CPLANE1: variants seen among roughly 807,000 people sequenced by gnomAD.
CPLANE1 encodes the protein ciliogenesis and planar polarity effector complex subunit 1.
In CPLANE1, 263 loss-of-function variants were observed where a neutral mutation model predicts 362.5. That is an observed-to-expected ratio of 0.73 (90% CI 0.66 to 0.80). CPLANE1 has a LOEUF of 0.80. Ranked by LOEUF, CPLANE1 falls within the 30% of genes least tolerant of loss-of-function variation. The pLI is 0.00. For missense variants in CPLANE1, 3,461 were observed against 3,793.4 expected, an observed-to-expected ratio of 0.91 and a Z score of 2.30; for synonymous variants, 1,212 against 1,302.6, an observed-to-expected ratio of 0.93 and a Z score of 1.50.
intron 18 of CPLANE1, among the ~76,000 whole-genome samples, chr5:37,202,306 C>A (rs1315739148): frequency 2.0e-5 from 3 of 151,920 alleles, no homozygotes; most frequent in African/African-American, 7.3e-5. Context: ...GGATTACAGG[C>A]ACACACTATC....
At chr5:37,157,114 G>A (rs1775333966) in intron 41 of CPLANE1, among the ~76,000 whole-genome samples, 199 bp downstream of exon 41, 1 of 152,176 alleles carries the variant, frequency 6.6e-6, no homozygotes, top group Non-Finnish European at 1.5e-5. Context: ...TGCATAAACA[G>A]ATCTGTGACT....
intron 29 of CPLANE1, 131 bp from the exon 30 acceptor site, chr5:37,177,831 C>A: frequency 1.4e-6 from 1 of 698,516 alleles, no homozygotes; most frequent in Non-Finnish European, 2.5e-6. Context: ...AGAAATCAAA[C>A]AGTAAAATGT....
intron 7 of CPLANE1, 69 bp downstream of exon 7, chr5:37,239,644 A>C: frequency 8.4e-7 from 1 of 1,192,460 alleles, no homozygotes; most frequent in South Asian, 2.8e-5. Context: ...ATTTAGAAAA[A>C]GAAAAATCTC....
At chr5:37,204,492 A>C (rs979604723) in intron 18 of CPLANE1, among the ~76,000 whole-genome samples, 1 of 152,192 alleles carries the variant, frequency 6.6e-6, no homozygotes, top group African/African-American at 2.4e-5. Context: ...ATTTTTTAAT[A>C]CCATTTTGAA....
Position 37,125,248 on chromosome 5 carries a change from T to C in CPLANE1, c.8954A>G (p.Asn2985Ser), listed in dbSNP as rs774388863. Residue 2985 changes from asparagine to serine, a missense_variant, in exon 47 of 53, where the codon AAT (asparagine) becomes AGT (serine). By Grantham distance (46) the Asn-to-Ser change is conservative (BLOSUM62 1). Transcript: ENST00000651892. ...QEHDPFCPRSNPLYMTSREIR... is the reference protein window; with the variant it reads ...QEHDPFCPRSSPLYMTSREIR... ...CCCTTGACATGGCAGACTTACTGGA[T>C]TGCTTCTGGGACAGAAAGGATCATG... 3 of 1,611,034 alleles carry C rather than the reference T, an allele frequency of 1.9e-6. No homozygotes were observed. The South Asian group carries it at 3.3e-5, about 18-fold the overall frequency.
intron 44 of CPLANE1, chr5:37,140,003 A>C (rs1361726906): frequency 1.0e-6 from 1 of 952,868 alleles, no homozygotes; most frequent in Admixed American, 6.2e-5. Context: ...GTGATCTGAA[A>C]GTAATATATT....
intron 50 of CPLANE1, among the ~76,000 whole-genome samples, chr5:37,116,017 T>G (rs1398992463): frequency 1.3e-5 from 2 of 152,038 alleles, no homozygotes; most frequent in Admixed American, 6.5e-5. Context: ...CCAGGCATGG[T>G]GGCTTACGCC....
In CPLANE1 at chr5:37,184,809, CT is replaced by C. The variant is rs1561531148; in HGVS notation, c.4459del (p.Ser1487ValfsTer3). Reference protein sequence around the residue: ...FSEALSVEEKSRINIYQRNAP... With the variant: ...FSEALSVEEKXRINIYQRNAP... Reference sequence around the variant, plus strand: ...GTACCTTTGATAGATATTTATCCTACTTTTTTCTTCAACCGACAAAGCTTCA... The same window carrying C: ...GTACCTTTGATAGATATTTATCCTACTTTTTCTTCAACCGACAAAGCTTCA... On this transcript the variant is annotated frameshift_variant, in exon 25 of 53. Coordinates refer to ENST00000651892, the MANE Select transcript of CPLANE1 (RefSeq NM_001384732.1). 1 of 1,611,892 alleles carries C rather than the reference CT, an allele frequency of 6.2e-7. No homozygotes were observed. Among genetic ancestry groups the C allele is most frequent in the South Asian group, 1.1e-5 (1 of 90,482 alleles).
chr5:37,170,779 T>C (rs568455139), intron 32 of CPLANE1, among the ~76,000 whole-genome samples: 1 of 152,070 alleles, frequency 6.6e-6, no homozygotes, highest in Admixed American at 6.6e-5. Context: ...CTACTAAAAA[T>C]ACAAAAATTA....
intron 18 of CPLANE1, chr5:37,205,098 A>G (rs773370881): frequency 1.1e-5 from 3 of 269,722 alleles, no homozygotes; most frequent in Non-Finnish European, 1.3e-5. Context: ...TAGAGTTTGC[A>G]GTGAGCTAAG....
At chr5:37,084,096 G>T in the CPLANE1 span, among the ~76,000 whole-genome samples, 1 of 152,238 alleles carries the variant, frequency 6.6e-6, no homozygotes, top group South Asian at 2.1e-4. Flanking sequence ...AAGAAATCCT[G>T]CAAGCTAGAA....
chr5:37,109,319 A>T (rs925586250), intron 51 of CPLANE1, among the ~76,000 whole-genome samples: 11 of 152,186 alleles, frequency 7.2e-5, no homozygotes, highest in Non-Finnish European at 1.3e-4. Flanking sequence ...AGCCCCCAAA[A>T]TAATCACAGC....
intron 31 of CPLANE1, 27 bp downstream of exon 31, chr5:37,175,882 A>G (rs777759619): frequency 1.3e-6 from 2 of 1,492,080 alleles, no homozygotes; most frequent in South Asian, 1.2e-5. Flanking sequence ...ACTATTTTTA[A>G]ATGGTATAGT....
intron 33 of CPLANE1, 68 bp from the exon 34 acceptor site, chr5:37,169,629 T>C (rs974428539): frequency 2.2e-6 from 3 of 1,382,140 alleles, no homozygotes; most frequent in Non-Finnish European, 2.9e-6. Flanking sequence ...GTAAATGGCA[T>C]TCAGTATGTT....
intron 38 of CPLANE1, among the ~76,000 whole-genome samples, chr5:37,158,746 T>C (rs1775922809): frequency 6.6e-6 from 1 of 152,088 alleles, no homozygotes; most frequent in East Asian, 1.9e-4. Context: ...ACTTTCTTGT[T>C]ATTTGCTTAT....
chr5:37,155,482 C>T (rs543240517), intron 41 of CPLANE1, among the ~76,000 whole-genome samples: 10 of 152,286 alleles, frequency 6.6e-5, no homozygotes, highest in Non-Finnish European at 1.3e-4. Flanking sequence ...TCAAGCAATC[C>T]TCCCGCCTCA....
intron 12 of CPLANE1, among the ~76,000 whole-genome samples, chr5:37,225,344 G>A (rs1330818160): frequency 6.6e-6 from 1 of 151,972 alleles, no homozygotes; most frequent in African/African-American, 2.4e-5. Flanking sequence ...CTGCCTCCTG[G>A]ACTCAAGCAA....
At chr5:37,132,952 T>C (rs1286303082) in intron 46 of CPLANE1, among the ~76,000 whole-genome samples, 1 of 152,222 alleles carries the variant, frequency 6.6e-6, no homozygotes, top group African/African-American at 2.4e-5. Context: ...TTTTTGTATA[T>C]GGTGAAAGGT....
At position 37,121,710 on chromosome 5, in the gene CPLANE1, G is replaced by C. The variant is rs1762681670; in HGVS notation, c.9092C>G (p.Ser3031Ter). The C allele has an allele frequency of 6.2e-7, 1 of 1,613,348 alleles. No homozygotes were observed. Among genetic ancestry groups the C allele is most frequent in the African/African-American group, 1.3e-5 (1 of 74,928 alleles). Residue 3031 changes from serine to a stop codon, truncating the protein, a stop_gained, in exon 49 of 53, where the codon TCA (serine) becomes TGA (stop). Coordinates refer to ENST00000651892, the MANE Select transcript of CPLANE1 (RefSeq NM_001384732.1). LOFTEE classifies it high-confidence loss of function. ...CTGTGGTAGAGTTGGTAGCTGTACT[G>C]ACTCAGATAACAGTTCATTCATCAG... ...YGLMNELLSE[S>*]VQLPTLPQKP...
Sources: allele counts gnomAD v4.1 joint callset (sites outside exome capture counted in the v4.1 genomes callset), GRCh38; gene constraint gnomAD v4.1.1; transcripts MANE v1.5; gene names NCBI Gene and HGNC (gene_info 2026-07-23, HGNC 2026-07-21).